The following HDAC4 variants were observed in gnomAD, a reference collection of about 807,000 sequenced individuals.
HDAC4 encodes histone deacetylase A.
Under a neutral mutation model 135.1 loss-of-function variants are expected in HDAC4, and 16 were observed. The ratio of observed to expected loss-of-function variants is 0.12; its 90% CI spans 0.08 to 0.18. The LOEUF (loss-of-function observed/expected upper bound fraction) is 0.18. HDAC4 is among the 10% of genes least tolerant of loss of function. The probability of loss-of-function intolerance (pLI) is 1.00; values close to 1 mark genes in which losing one functional copy is unlikely to be tolerated. For synonymous variants in HDAC4, 685 were observed against 653.4 expected (o/e 1.05, Z -0.74); for missense variants, 1,143 against 1,511.8 (o/e 0.76, Z 4.05).
chr2:239,086,625 C>T (rs1339533108), intron 19 of HDAC4, among the ~76,000 whole-genome samples: 6 of 152,254 alleles, frequency 3.9e-5, no homozygotes, highest in African/African-American at 4.8e-5. Context: ...CCTCCGTGGA[C>T]GCCTGACTTC....
intron 1 of HDAC4, among the ~76,000 whole-genome samples, chr2:239,389,151 T>G (rs971028820): frequency 6.6e-6 from 1 of 152,136 alleles, no homozygotes; most frequent in Non-Finnish European, 1.5e-5. Flanking sequence ...GCTAAAGGAT[T>G]GTAAATGCAC....
chr2:239,054,120 A>T (rs2031381091), intron 25 of HDAC4, among the ~76,000 whole-genome samples: 1 of 152,110 alleles, frequency 6.6e-6, no homozygotes, highest in Admixed American at 6.5e-5. Flanking sequence ...CTCTGAAGCC[A>T]GGACTCCCTC....
chr2:239,364,181 T>G (rs2125979099), intron 1 of HDAC4, among the ~76,000 whole-genome samples: 1 of 152,322 alleles, frequency 6.6e-6, no homozygotes, highest in East Asian at 1.9e-4. Context: ...ACAAGTGCCA[T>G]GCCCCAGCAA....
At chr2:239,295,463 A>G (rs1193277831) in intron 2 of HDAC4, among the ~76,000 whole-genome samples, 3 of 152,186 alleles carry the variant, frequency 2.0e-5, no homozygotes, top group African/African-American at 7.2e-5. Flanking sequence ...GAAAATGTTC[A>G]CAGCTGAACC....
intron 4 of HDAC4, among the ~76,000 whole-genome samples, chr2:239,186,079 C>T (rs2044532681): frequency 6.6e-6 from 1 of 151,920 alleles, no homozygotes; most frequent in South Asian, 2.1e-4. Context: ...AGAGAACTTC[C>T]ACGCTTACCT....
chr2:239,301,405 G>A (rs2052252630), intron 2 of HDAC4, among the ~76,000 whole-genome samples: 1 of 152,068 alleles, frequency 6.6e-6, no homozygotes, highest in Non-Finnish European at 1.5e-5. Flanking sequence ...TGCCAGGCGA[G>A]GCCAGTGATG....
rs1012121365 is a variant in HDAC4, at chr2:239,167,881, A to G, written c.491-3958T>C. On this transcript the variant is annotated intron_variant, in intron 5 of 26. Transcript: ENST00000543185. This position sits in a 1 kb window ranked among gnomAD's most constrained non-coding sequence, Gnocchi z 4.1. ...GTTCTTCCCATACCAGGGGGCAGAG[A>G]GTGCACCCGAGACCTAAGGAATGAG... Among the ~76,000 whole-genome samples, 1 of 143,748 alleles carries G rather than the reference A, an allele frequency of 7.0e-6. No homozygotes were observed. The highest frequency in any genetic ancestry group is 1.5e-5 in the Non-Finnish European group (1 of 66,812). The allele number at this position is 143,748 out of a possible 152,430, so 94.3% of individuals were successfully genotyped here.
At chr2:239,083,149 G>A (rs987042903) in intron 20 of HDAC4, among the ~76,000 whole-genome samples, 1 of 152,260 alleles carries the variant, frequency 6.6e-6, no homozygotes, top group Non-Finnish European at 1.5e-5. Flanking sequence ...CGCATGGTGT[G>A]TACATGGGCA....
chr2:239,249,232 A>G (rs2048640074), intron 2 of HDAC4, among the ~76,000 whole-genome samples: 1 of 152,232 alleles, frequency 6.6e-6, no homozygotes, highest in African/African-American at 2.4e-5. Flanking sequence ...GGGCAGACAG[A>G]GGAGACACGG....
At chr2:239,228,038 G>T (rs529734997) in intron 3 of HDAC4, among the ~76,000 whole-genome samples, 1 of 152,350 alleles carries the variant, frequency 6.6e-6, no homozygotes, top group African/African-American at 2.4e-5. Context: ...GCCACAAAGG[G>T]ATGGGAAGGT....
Position 239,122,438 on chromosome 2 carries a change from T to C in HDAC4, c.1533+4018A>G, listed in dbSNP as rs187462848. ...GTGGCCAGCGAACACGGAGGGCCAG[T>C]TTCACCTGCAGAGTTCCAAGGTCCA... On this transcript the variant is annotated intron_variant, in intron 12 of 26. Transcript: ENST00000543185. 2.2e-3 allele frequency among the ~76,000 whole-genome samples: 336 copies of C among 152,292 alleles called. 5 individuals carry two copies. The highest frequency in any genetic ancestry group is 0.016 in the Admixed American group (247 of 15,304).
At chr2:239,126,384 C>T (rs1439409223) in intron 12 of HDAC4, 72 bp downstream of exon 12, 3 of 1,609,040 alleles carry the variant, frequency 1.9e-6, no homozygotes, top group Non-Finnish European at 2.5e-6. Flanking sequence ...GGGGCCAGTG[C>T]TGAAGCCTGA....
chr2:239,085,496 C>T (rs1361057817), intron 19 of HDAC4, among the ~76,000 whole-genome samples: 2 of 152,198 alleles, frequency 1.3e-5, no homozygotes, highest in African/African-American at 4.8e-5. Context: ...CGAAGAGCTG[C>T]AACAAAACAC....
At chr2:239,394,501 T>C (rs1426476565) in intron 1 of HDAC4, among the ~76,000 whole-genome samples, 1 of 152,224 alleles carries the variant, frequency 6.6e-6, no homozygotes, top group East Asian at 1.9e-4. Flanking sequence ...GCCTTGGCCT[T>C]GGCACAACAG....
intron 3 of HDAC4, among the ~76,000 whole-genome samples, chr2:239,224,505 C>T (rs2047136069): frequency 6.7e-6 from 1 of 148,514 alleles, no homozygotes; most frequent in African/African-American, 2.5e-5. Context: ...AGGTCTTCGG[C>T]CTGCAAATGT....
At chr2:239,071,510 T>C (rs1412087884) in intron 22 of HDAC4, among the ~76,000 whole-genome samples, 1 of 152,148 alleles carries the variant, frequency 6.6e-6, no homozygotes, top group East Asian at 1.9e-4. Context: ...AATAAGCAGG[T>C]GTTATCATTC....
chr2:239,214,888 G>A (rs563578037), intron 3 of HDAC4, among the ~76,000 whole-genome samples: 7 of 152,332 alleles, frequency 4.6e-5, no homozygotes, highest in African/African-American at 1.4e-4. Context: ...TTGGGATCCT[G>A]AGCCCGGAGG....
chr2:239,088,225 T>C (rs1329488307), intron 18 of HDAC4, among the ~76,000 whole-genome samples: 1 of 152,206 alleles, frequency 6.6e-6, no homozygotes, highest in African/African-American at 2.4e-5. Flanking sequence ...ACTCTGTAGT[T>C]GCTGCCATAA....
chr2:239,053,058 G>GAGAC lies in HDAC4; in HGVS notation c.*35_*38dup, dbSNP rs768310873. The GAGAC allele has an allele frequency of 5.2e-5, 84 of 1,612,376 alleles. No homozygotes were observed. Among genetic ancestry groups the GAGAC allele is most frequent in the Non-Finnish European group, 6.6e-5 (78 of 1,178,508 alleles). On this transcript the variant is annotated 3_prime_UTR_variant, in exon 27 of 27. Transcript: ENST00000543185. ...AGTTTCTTGGCTGAGCTTCAAGACA[G>GAGAC]AGACAGACAGACAAGAGAACAGCAG...
Sources: gnomAD v4.1 joint callset for allele counts (sites outside exome capture counted in the v4.1 genomes callset) on GRCh38, gnomAD v4.1.1 for gene constraint, Gnocchi (gnomAD v3.1) non-coding constraint, MANE v1.5 for transcripts, NCBI Gene and HGNC (gene_info 2026-07-23, HGNC 2026-07-21) for gene names.